Variants in STXBP5 observed in about 807,000 individuals in gnomAD.
STXBP5 encodes the protein syntaxin binding protein 5.
A neutral mutation model predicts 152.4 loss-of-function variants in STXBP5; 50 were observed. That is an observed-to-expected ratio of 0.33 (90% CI 0.26 to 0.42). The LOEUF (loss-of-function observed/expected upper bound fraction) is 0.42, where lower values mean the gene tolerates loss of function less well. Among genes scored for constraint, STXBP5 ranks in the 10% least tolerant of loss-of-function variants. The probability of loss-of-function intolerance (pLI) is 1.00; values close to 1 mark genes in which losing one functional copy is unlikely to be tolerated. For synonymous variants in STXBP5, 492 were observed against 494.7 expected (o/e 0.99, Z 0.07); for missense variants, 1,167 against 1,388.6 (o/e 0.84, Z 2.54).
intron 10 of STXBP5, 61 bp downstream of exon 10, chr6:147,310,299 AGACCTAGGTTGTTTAGAT>A: frequency 8.1e-7 from 1 of 1,233,860 alleles, no homozygotes; most frequent in Non-Finnish European, 1.0e-6. Context: ...AAAAAAAAAA[AGACCTAGGTTGTTTAGAT>A]AAAACTACTC....
intron 7 of STXBP5, among the ~76,000 whole-genome samples, chr6:147,268,750 A>G (rs1780013187): frequency 1.3e-5 from 2 of 152,318 alleles, no homozygotes; most frequent in South Asian, 4.1e-4. Context: ...AGTCACAGGG[A>G]CTAGTTTACC....
rs79263268 is a variant in STXBP5, at chr6:147,206,144, A to T, written c.248+76A>T. 4.2e-3 allele frequency: 5,490 copies of T among 1,313,658 alleles called. 194 individuals are homozygous for T. The African/African-American group carries it at 0.073, about 17-fold the overall frequency. 81.4% of individuals were successfully genotyped at this position (1,313,658 alleles called of 1,614,324 possible). ...CCTTCTGTGTTGCTGATTAGTTCCA[A>T]AGAAAGTTTTTATTTTCCTGTTGGT... is the stretch of plus-strand genomic sequence containing the variant. On this transcript the variant is annotated intron_variant, in intron 2 of 27. Transcript: ENST00000321680.
At chr6:147,297,449 T>C (rs894618379) in intron 9 of STXBP5, among the ~76,000 whole-genome samples, 6 of 152,134 alleles carry the variant, frequency 3.9e-5, no homozygotes, top group Non-Finnish European at 7.4e-5. Flanking sequence ...CAAGAAATGA[T>C]TATGCTGAGT....
At chr6:147,306,845 T>C (rs1038278077) in intron 9 of STXBP5, among the ~76,000 whole-genome samples, 2 of 152,192 alleles carry the variant, frequency 1.3e-5, no homozygotes, top group African/African-American at 2.4e-5. Context: ...TCACTATCGC[T>C]CCTGTGGCCC....
At chr6:147,275,874 C>G (rs1301995762) in intron 7 of STXBP5, among the ~76,000 whole-genome samples, 1 of 151,886 alleles carries the variant, frequency 6.6e-6, no homozygotes, top group Admixed American at 6.6e-5. Context: ...AGTAAATATT[C>G]TTAATCACCT....
At chr6:147,342,030 C>T (rs144916679) in intron 21 of STXBP5, among the ~76,000 whole-genome samples, 146 of 152,286 alleles carry the variant, frequency 9.6e-4, no homozygotes, top group Admixed American at 1.4e-3. Context: ...AGCCCCACTC[C>T]ATGGTCTGTC....
intron 2 of STXBP5, among the ~76,000 whole-genome samples, chr6:147,218,803 A>T (rs1009092327): frequency 2.0e-5 from 3 of 152,162 alleles, no homozygotes; most frequent in Non-Finnish European, 2.9e-5. Flanking sequence ...AACCTTGCAT[A>T]TCCTGGCCAC....
intron 16 of STXBP5, among the ~76,000 whole-genome samples, chr6:147,318,308 G>A (rs545302162): frequency 6.6e-6 from 1 of 152,240 alleles, no homozygotes; most frequent in East Asian, 1.9e-4. Flanking sequence ...AGCCTGATAG[G>A]TGAGTCTTTG....
At chr6:147,205,940 G>C (rs775170341) in intron 1 of STXBP5, 31 bp from the exon 2 acceptor site, 1 of 1,570,122 alleles carries the variant, frequency 6.4e-7, no homozygotes, top group Non-Finnish European at 8.7e-7. Context: ...TTGCTGCCTT[G>C]GTTGCTGTGA....
intron 14 of STXBP5, among the ~76,000 whole-genome samples, chr6:147,314,996 C>T (rs575764523): frequency 1.3e-5 from 2 of 151,950 alleles, no homozygotes; most frequent in East Asian, 1.9e-4. Flanking sequence ...GTTGTCTTTG[C>T]GAAATAAATC....
chr6:147,339,239 G>T lies in STXBP5; in HGVS notation c.2206+1G>T. 2.6e-6 allele frequency: 4 copies of T among 1,530,276 alleles called. No homozygotes were observed. Among genetic ancestry groups the T allele is most frequent in the South Asian group, 1.3e-5 (1 of 79,170 alleles). 94.8% of individuals were successfully genotyped at this position (1,530,276 alleles called of 1,614,324 possible). A position where few individuals can be genotyped will look rare whatever the true frequency, so the allele number is the denominator to read the frequency against. On this transcript the variant is annotated splice_donor_variant, in intron 20 of 27. Transcript: ENST00000321680. LOFTEE classifies it high-confidence loss of function. ...AAAATGAATAATTTTATAGAAAAGG[G>T]TATAGTATCTTGATTTTAAAGTATT...
intron 4 of STXBP5, among the ~76,000 whole-genome samples, chr6:147,247,219 T>C (rs1433349199): frequency 6.6e-6 from 1 of 152,208 alleles, no homozygotes; most frequent in Non-Finnish European, 1.5e-5. Flanking sequence ...GACACAGAAT[T>C]ATAGTTTCTC....
chr6:147,281,955 C>G (rs117486328), intron 8 of STXBP5, among the ~76,000 whole-genome samples: 1 of 152,126 alleles, frequency 6.6e-6, no homozygotes, highest in Admixed American at 6.5e-5. Context: ...AATAATGAAA[C>G]TTGACCTAGT....
chr6:147,225,380 TCA>T (rs1777657789), intron 2 of STXBP5, among the ~76,000 whole-genome samples: 1 of 152,188 alleles, frequency 6.6e-6, no homozygotes, highest in Non-Finnish European at 1.5e-5. Flanking sequence ...TCACCGGATA[TCA>T]CAGTTCTCCA....
chr6:147,301,040 A>G (rs1386650240), intron 9 of STXBP5, among the ~76,000 whole-genome samples: 1 of 152,126 alleles, frequency 6.6e-6, no homozygotes, highest in Admixed American at 6.5e-5. Flanking sequence ...CCAATCAGGC[A>G]TATGAAGAAA....
intron 2 of STXBP5, among the ~76,000 whole-genome samples, chr6:147,228,236 A>G (rs544790914): frequency 7.0e-4 from 107 of 152,206 alleles, no homozygotes; most frequent in African/African-American, 2.5e-3. Context: ...AAAGAATGAT[A>G]AGATTTTTGA....
chr6:147,234,915 C>A (rs963498574), intron 2 of STXBP5, among the ~76,000 whole-genome samples: 5 of 151,938 alleles, frequency 3.3e-5, no homozygotes, highest in Non-Finnish European at 7.4e-5. Context: ...TAGATCCAAC[C>A]ACCTTTTGTC....
Position 147,310,245 on chromosome 6 carries a change from T to G in STXBP5, c.1072+7T>G, listed in dbSNP as rs767819113. On this transcript the variant is annotated splice_region_variant and intron_variant, in intron 10 of 27. Coordinates refer to ENST00000321680, the MANE Select transcript of STXBP5 (RefSeq NM_001127715.4). ...GAAACACCATACCCAAATGGTAAGC[T>G]TTGCAACTTTAAAGCTCATTCTCTA... 3.0e-5 allele frequency: 47 copies of G among 1,546,192 alleles called. No individual in the cohort carries two copies. The East Asian group carries it at 1.1e-3, about 35-fold the overall frequency.
intron 7 of STXBP5, among the ~76,000 whole-genome samples, chr6:147,276,647 C>G (rs1254246539): frequency 6.6e-6 from 1 of 152,024 alleles, no homozygotes; most frequent in Admixed American, 6.5e-5. Flanking sequence ...TTTAGCACTG[C>G]TCATGTTTTT....
Sources: allele counts gnomAD v4.1 joint callset (sites outside exome capture counted in the v4.1 genomes callset), GRCh38; gene constraint gnomAD v4.1.1; transcripts MANE v1.5; gene names NCBI Gene and HGNC (gene_info 2026-07-23, HGNC 2026-07-21).